The following SHC4 variants were observed in gnomAD, a reference collection of about 807,000 sequenced individuals.
The protein encoded by SHC4 is SHC-transforming protein 4.
In SHC4, 41 loss-of-function variants were observed where a neutral mutation model predicts 69.4. The ratio of observed to expected loss-of-function variants is 0.59; its 90% CI spans 0.46 to 0.77. The LOEUF is 0.77. Ranked by LOEUF, SHC4 falls within the 30% of genes least tolerant of loss-of-function variation. The pLI, the probability that SHC4 is intolerant of heterozygous loss-of-function variation, is 0.00. For missense variants in SHC4, 777 were observed against 783.8 expected, an observed-to-expected ratio of 0.99 and a Z score of 0.10; for synonymous variants, 318 against 299.3, an observed-to-expected ratio of 1.06 and a Z score of -0.64.
intron 2 of SHC4, among the ~76,000 whole-genome samples, chr15:48,901,866 C>A (rs141646798): frequency 6.6e-6 from 1 of 152,238 alleles, no homozygotes; most frequent in African/African-American, 2.4e-5. Flanking sequence ...TAAATGCTAG[C>A]CATTATTATT....
intron 1 of SHC4, among the ~76,000 whole-genome samples, chr15:48,951,863 A>C (rs1422106335): frequency 6.6e-6 from 1 of 152,196 alleles, no homozygotes; most frequent in Non-Finnish European, 1.5e-5. Flanking sequence ...CATTTATTAC[A>C]GTAATGTGTG....
chr15:48,903,592 G>A (rs970448883), intron 2 of SHC4, among the ~76,000 whole-genome samples: 4 of 152,100 alleles, frequency 2.6e-5, no homozygotes, highest in Non-Finnish European at 4.4e-5. Flanking sequence ...TCCAAATTAC[G>A]TGGAGACCTC....
chr15:48,925,250 T>C (rs1900831306), intron 1 of SHC4, among the ~76,000 whole-genome samples: 1 of 152,250 alleles, frequency 6.6e-6, no homozygotes, highest in South Asian at 2.1e-4. Context: ...ATTTGCATCC[T>C]GGCTCTGCTA....
chr15:48,880,918 A>C (rs1220329103), intron 4 of SHC4, among the ~76,000 whole-genome samples: 8 of 152,012 alleles, frequency 5.3e-5, no homozygotes, highest in African/African-American at 1.7e-4. Flanking sequence ...CTCATGTCCT[A>C]AACTGAAAAT....
intron 1 of SHC4, among the ~76,000 whole-genome samples, chr15:48,938,633 A>C (rs1341616106): frequency 6.6e-6 from 1 of 152,150 alleles, no homozygotes; most frequent in Non-Finnish European, 1.5e-5. Flanking sequence ...TTTCTCTTGC[A>C]ATTGGGGAGG....
chr15:48,919,664 C>T (rs542728829), intron 2 of SHC4, among the ~76,000 whole-genome samples: 2 of 152,252 alleles, frequency 1.3e-5, no homozygotes, highest in African/African-American at 4.8e-5. Flanking sequence ...CATCTTCCCT[C>T]TGCCTTCAGC....
At chr15:48,915,417 C>T (rs1372708433) in intron 2 of SHC4, among the ~76,000 whole-genome samples, 1 of 152,136 alleles carries the variant, frequency 6.6e-6, no homozygotes, top group Non-Finnish European at 1.5e-5. Context: ...TCTCAAGTAT[C>T]TGAAAAGTGA....
intron 1 of SHC4, among the ~76,000 whole-genome samples, chr15:48,961,248 G>A (rs1167915084): frequency 6.6e-6 from 1 of 152,152 alleles, no homozygotes; most frequent in African/African-American, 2.4e-5. Flanking sequence ...AGCAAGTCAT[G>A]CCCTACAAAC....
At chr15:48,867,172 A>C (rs1360840544) in intron 6 of SHC4, among the ~76,000 whole-genome samples, 6 of 152,236 alleles carry the variant, frequency 3.9e-5, no homozygotes, top group African/African-American at 1.2e-4. Context: ...GTTGGTGCAA[A>C]GGTAATAGCA....
intron 10 of SHC4, among the ~76,000 whole-genome samples, chr15:48,841,611 AAC>A (rs1898989623): frequency 6.6e-6 from 1 of 152,198 alleles, no homozygotes; most frequent in Admixed American, 6.5e-5. Flanking sequence ...AATGTAGGAC[AAC>A]TCCGACAGAC....
At chr15:48,916,465 T>C (rs1900624071) in intron 2 of SHC4, among the ~76,000 whole-genome samples, 2 of 150,556 alleles carry the variant, frequency 1.3e-5, no homozygotes, top group African/African-American at 4.9e-5. Flanking sequence ...TTAATCCAAT[T>C]ACAATAACTT....
At chr15:48,867,950 G>T in intron 5 of SHC4, 81 bp from the exon 6 acceptor site, 1 of 1,143,386 alleles carries the variant, frequency 8.7e-7, no homozygotes, top group African/African-American at 1.5e-5. Flanking sequence ...ACATGATACT[G>T]AGGCAAGGAC....
chr15:48,893,667 C>T (rs1900172602), intron 2 of SHC4, among the ~76,000 whole-genome samples: 1 of 152,264 alleles, frequency 6.6e-6, no homozygotes, highest in East Asian at 1.9e-4. Flanking sequence ...AGATACTTCA[C>T]TCATATTAAA....
rs781108842 is a variant in SHC4, at chr15:48,872,122, C to T, written c.861G>A (p.Met287Ile). ...DNQQIIANHHMQSISFASGGD... is the reference protein window; with the variant it reads ...DNQQIIANHHIQSISFASGGD... ...CTCCAGAGGCAAATGAAATAGACTG[C>T]ATATGATGATTTGCAATAATCTGAA... is the stretch of plus-strand genomic sequence containing the variant. The change falls in exon 5 of 12, where the codon ATG becomes ATA. Residue 287 changes from methionine (M) to isoleucine (I), a missense_variant. Physicochemically the swap from Met to Ile is conservative, Grantham distance 10. Transcript: ENST00000332408. 7 of 1,591,244 alleles carry T rather than the reference C, an allele frequency of 4.4e-6. No homozygotes were observed. The South Asian group carries it at 5.7e-5, about 13-fold the overall frequency.
chr15:48,939,104 G>A (rs1595764428), intron 1 of SHC4, among the ~76,000 whole-genome samples: 1 of 152,336 alleles, frequency 6.6e-6, no homozygotes, highest in East Asian at 1.9e-4. Flanking sequence ...TCATTACAGT[G>A]GGATGACTAT....
chr15:48,852,982 G>A (rs1899245250), intron 8 of SHC4, among the ~76,000 whole-genome samples: 1 of 150,784 alleles, frequency 6.6e-6, no homozygotes, highest in South Asian at 2.1e-4. Flanking sequence ...AGAGGTGGAA[G>A]TCTTAGAGCA....
At chr15:48,857,873 C>T (rs878973735) in intron 6 of SHC4, 58 bp from the exon 7 acceptor site, 146 of 1,370,440 alleles carry the variant, frequency 1.1e-4, no homozygotes, top group South Asian at 2.8e-4. Context: ...GAGAAGATTA[C>T]ATAAAATCAG....
At chr15:48,864,975 C>T (rs981661799) in intron 6 of SHC4, among the ~76,000 whole-genome samples, 7 of 152,332 alleles carry the variant, frequency 4.6e-5, no homozygotes, top group Middle Eastern at 3.4e-3. Flanking sequence ...CACGCACATT[C>T]GCACAACCTG....
At chr15:48,837,483 C>T (rs1000008272) in intron 10 of SHC4, among the ~76,000 whole-genome samples, 1 of 152,158 alleles carries the variant, frequency 6.6e-6, no homozygotes, top group Non-Finnish European at 1.5e-5. Context: ...GGTACATTAT[C>T]TATTATCTTG....
Sources: gnomAD v4.1 joint callset for allele counts (sites outside exome capture counted in the v4.1 genomes callset) on GRCh38, gnomAD v4.1.1 for gene constraint, MANE v1.5 for transcripts, NCBI Gene and HGNC (gene_info 2026-07-23, HGNC 2026-07-21) for gene names.